Variants in SYNPO2 observed in about 807,000 individuals in gnomAD.
The protein encoded by SYNPO2 is synaptopodin 2.
Under a neutral mutation model 85.0 loss-of-function variants are expected in SYNPO2, and 56 were observed. The observed-to-expected ratio is 0.66, with a 90% CI of 0.53 to 0.82. SYNPO2 has a LOEUF of 0.82. SYNPO2 is among the 40% of genes least tolerant of loss of function. The pLI is 0.00. For missense variants in SYNPO2, 1,575 were observed against 1,534.2 expected (o/e 1.03, Z -0.44); for synonymous variants, 602 against 591.1 (o/e 1.02, Z -0.27).
At chr4:119,041,930 G>A (rs929875772) in intron 4 of SYNPO2, 2 of 152,142 alleles carry the variant, frequency 1.3e-5, no homozygotes, top group African/African-American at 4.8e-5. Flanking sequence ...ATGCTAATGG[G>A]CTGTGAACTA....
chr4:118,902,801 T>TACTAGATC (rs1426256022), intron 1 of SYNPO2, among the ~76,000 whole-genome samples: 1 of 152,230 alleles, frequency 6.6e-6, no homozygotes, highest in Non-Finnish European at 1.5e-5. Flanking sequence ...TTTAGATCTG[T>TACTAGATC]ACTAGATCAC....
intron 2 of SYNPO2, among the ~76,000 whole-genome samples, chr4:119,024,710 CTAAT>C (rs1273936335): frequency 1.3e-5 from 2 of 152,002 alleles, no homozygotes; most frequent in Non-Finnish European, 2.9e-5. Flanking sequence ...AAGTAAGTAA[CTAAT>C]TGGTAGGATT....
chr4:118,869,763 C>G (rs1578508214), intron 1 of SYNPO2, among the ~76,000 whole-genome samples: 1 of 152,192 alleles, frequency 6.6e-6, no homozygotes, highest in Admixed American at 6.5e-5. Flanking sequence ...TTTTTGAGCT[C>G]CTGGTGGGTT....
chr4:119,037,570 A>C, intron 4 of SYNPO2: 1 of 989,602 alleles, frequency 1.0e-6, no homozygotes. Flanking sequence ...ATTTTGGTTC[A>C]AGTCAGGATG....
chr4:118,914,884 A>G (rs1157626503), intron 1 of SYNPO2, among the ~76,000 whole-genome samples: 2 of 152,000 alleles, frequency 1.3e-5, no homozygotes, highest in Non-Finnish European at 2.9e-5. Flanking sequence ...TAGCAAAACT[A>G]GTGGAGTTGG....
chr4:118,850,843 T>C (rs1325104145), exon 1 of SYNPO2: 1 of 397,514 alleles, frequency 2.5e-6, no homozygotes, highest in Admixed American at 4.4e-5. Flanking sequence ...AGAAGAGAGA[T>C]CCAAGGACAG....
intron 3 of SYNPO2, 109 bp from the exon 4 acceptor site, chr4:119,029,736 A>G: frequency 7.9e-7 from 1 of 1,264,294 alleles, no homozygotes; most frequent in East Asian, 2.4e-5. Flanking sequence ...ACTCAATGGC[A>G]ATTTTTTACA....
chr4:118,938,938 A>C (rs572453848), intron 1 of SYNPO2, among the ~76,000 whole-genome samples: 26 of 152,270 alleles, frequency 1.7e-4, no homozygotes, highest in African/African-American at 6.0e-4. Context: ...TTTACTCTCT[A>C]TATTCACTGT....
intron 1 of SYNPO2, among the ~76,000 whole-genome samples, chr4:118,874,124 T>C (rs1168559585): frequency 6.6e-6 from 1 of 152,266 alleles, no homozygotes; most frequent in Non-Finnish European, 1.5e-5. Context: ...TATAGCCTTG[T>C]AGTATAATTT....
chr4:119,026,713 G>C lies in SYNPO2; in HGVS notation c.344G>C (p.Ser115Thr). ...EHLTHGGYVE[S>T]TTLQIRPATK... ...CTCACACATGGGGGTTATGTGGAAA[G>C]TACCACCCTGCAGATTCGACCGGCC... The change falls in exon 3 of 5, where the codon AGT becomes ACT. Residue 115 changes from serine (S) to threonine (T), a missense_variant. Ser to Thr is a moderately conservative substitution (Grantham distance 58). Transcript: ENST00000307142. The C allele has an allele frequency of 6.2e-7, 1 of 1,614,162 alleles. No homozygotes were observed. The highest frequency in any genetic ancestry group is 8.5e-7 in the Non-Finnish European group (1 of 1,180,010).
intron 1 of SYNPO2, among the ~76,000 whole-genome samples, chr4:118,862,063 T>C (rs1305552882): frequency 6.6e-6 from 1 of 152,196 alleles, no homozygotes; most frequent in Non-Finnish European, 1.5e-5. Context: ...CTTTCACTTT[T>C]TTGGTTGATT....
rs1358778777 is a variant in SYNPO2, at chr4:119,058,527, T to A, written c.*593T>A. On this transcript the variant is annotated 3_prime_UTR_variant, in exon 5 of 5. Transcript: ENST00000307142. ...TTGCTCTGTCCCACCCAGTCTGGAGTGCAATGGTGCGATCTTGGCTCACTG... is the reference window on the plus strand; with the variant it reads ...TTGCTCTGTCCCACCCAGTCTGGAGAGCAATGGTGCGATCTTGGCTCACTG... The A allele has an allele frequency of 4.4e-5, 6 of 135,670 alleles. No homozygotes were observed. The highest frequency in any genetic ancestry group is 1.6e-4 in the African/African-American group (6 of 37,158). The allele number at this position is 135,670 out of a possible 1,614,324, so 8.4% of individuals were successfully genotyped here.
chr4:119,055,051 A>G (rs1739168818), intron 4 of SYNPO2, among the ~76,000 whole-genome samples: 1 of 152,166 alleles, frequency 6.6e-6, no homozygotes, highest in Non-Finnish European at 1.5e-5. Context: ...GAGTCTTACC[A>G]CTTCTCACAG....
rs191141228 is a variant in SYNPO2 at position 118,953,945 on chromosome 4, A to T, written c.105+64804A>T. 9.2e-5 allele frequency among the ~76,000 whole-genome samples: 14 copies of T among 152,262 alleles called. No individual in the cohort carries two copies. In the East Asian group the frequency reaches 2.7e-3, roughly 29 times the overall value. ...AAAAAGTTGGAGCAAAATCTATGTC[A>T]TGTGCTTCCTCTTCCTCTACCCCAG... On this transcript the variant is annotated intron_variant, in intron 1 of 4. Coordinates refer to ENST00000307142, the MANE Select transcript of SYNPO2 (RefSeq NM_133477.3).
rs561449304 is a variant in SYNPO2, at chr4:118,959,811, G to C, written c.106-63619G>C. Among the ~76,000 whole-genome samples, 6 of 104,392 alleles carry C rather than the reference G, an allele frequency of 5.7e-5. No homozygotes were observed. In the South Asian group the frequency reaches 1.0e-3, roughly 17 times the overall value. 68.5% of individuals were successfully genotyped at this position (104,392 alleles called of 152,430 possible). A position where few individuals can be genotyped will look rare whatever the true frequency, so the allele number is the denominator to read the frequency against. ...GAGGCTCTATCCTTTGTCTTTTCTA[G>C]CTATACTGTCTCCCTCGGTGTAGTA... On this transcript the variant is annotated intron_variant, in intron 1 of 4. Transcript: ENST00000307142.
At chr4:119,005,314 CTGAATGG>C (rs1736994524) in intron 1 of SYNPO2, among the ~76,000 whole-genome samples, 1 of 152,158 alleles carries the variant, frequency 6.6e-6, no homozygotes, top group African/African-American at 2.4e-5. Context: ...TGCCTATGTC[CTGAATGG>C]TATTGCCTAG....
At position 118,932,272 on chromosome 4, in the gene SYNPO2, T is replaced by G. The variant is rs572660434; in HGVS notation, c.105+43131T>G. Among the ~76,000 whole-genome samples, 5 of 152,300 alleles carry G rather than the reference T, an allele frequency of 3.3e-5. No homozygotes were observed. The South Asian group carries it at 6.2e-4, about 19-fold the overall frequency. On this transcript the variant is annotated intron_variant, in intron 1 of 4. Coordinates refer to ENST00000307142, the MANE Select transcript of SYNPO2 (RefSeq NM_133477.3). ...CTGTATTCTGAGATAGAGGCACCACTGACCCCACAAGAAGTAAGGCACCAT... is the reference window on the plus strand; with the variant it reads ...CTGTATTCTGAGATAGAGGCACCACGGACCCCACAAGAAGTAAGGCACCAT...
At chr4:118,878,234 T>C (rs1436018416) in intron 1 of SYNPO2, among the ~76,000 whole-genome samples, 1 of 152,014 alleles carries the variant, frequency 6.6e-6, no homozygotes, top group Non-Finnish European at 1.5e-5. Flanking sequence ...AGGGTGAGGA[T>C]TGAAAAACCA....
At chr4:118,914,291 G>C (rs1343928541) in intron 1 of SYNPO2, among the ~76,000 whole-genome samples, 3 of 152,118 alleles carry the variant, frequency 2.0e-5, no homozygotes, top group Non-Finnish European at 4.4e-5. Context: ...TATCAGTCTG[G>C]GTTCAGGAGA....
Sources: allele counts gnomAD v4.1 joint callset (sites outside exome capture counted in the v4.1 genomes callset), GRCh38; gene constraint gnomAD v4.1.1; transcripts MANE v1.5; gene names NCBI Gene and HGNC (gene_info 2026-07-23, HGNC 2026-07-21).